The following RANBP2 variants were observed in gnomAD, a reference collection of about 807,000 sequenced individuals.
The protein encoded by RANBP2 is E3 SUMO-protein ligase RanBP2.
Under a neutral mutation model 303.6 loss-of-function variants are expected in RANBP2, and 57 were observed. That is an observed-to-expected ratio of 0.19 (90% confidence interval 0.15 to 0.23). The LOEUF is 0.23. Among genes scored for constraint, RANBP2 ranks in the 10% least tolerant of loss-of-function variants. The pLI is 1.00. For synonymous variants in RANBP2, 1,167 were observed against 1,301.5 expected, an observed-to-expected ratio of 0.90 and a Z score of 2.23; for missense variants, 3,138 against 3,780.8, an observed-to-expected ratio of 0.83 and a Z score of 4.46.
the RANBP2 span, among the ~76,000 whole-genome samples, chr2:109,106,177 T>A: frequency 6.6e-6 from 1 of 152,082 alleles, no homozygotes; most frequent in Non-Finnish European, 1.5e-5. Flanking sequence ...TAAAACTTTT[T>A]AATAAACTTT....
At position 108,782,295 on chromosome 2, in the gene RANBP2, C is replaced by T. The variant is rs763010525; in HGVS notation, c.8928C>T (p.Asp2976=). 13 of 1,614,076 alleles carry T rather than the reference C, an allele frequency of 8.1e-6. No homozygotes were observed. The highest frequency in any genetic ancestry group is 1.0e-5 in the Non-Finnish European group (12 of 1,180,018). The change falls in exon 27 of 29, where the codon GAC becomes GAT. Residue 2976 remains aspartate (D), a synonymous_variant. Coordinates refer to ENST00000283195, the MANE Select transcript of RANBP2 (RefSeq NM_006267.5). ...KNYYRILMRR[D]QVFKVCANHV... is the part of the protein sequence containing the mutation. Reference sequence around the variant, plus strand: ...ATTACCGGATCCTAATGAGAAGAGACCAGGTTTTTAAAGTGTGTGCAAACC... The same window carrying T: ...ATTACCGGATCCTAATGAGAAGAGATCAGGTTTTTAAAGTGTGTGCAAACC...
At chr2:108,821,059 A>G in the RANBP2 span, among the ~76,000 whole-genome samples, 1 of 152,326 alleles carries the variant, frequency 6.6e-6, no homozygotes, top group South Asian at 2.1e-4. Context: ...AATACAACAT[A>G]TAAAGATATA....
chr2:108,856,547 CTTG>C, the RANBP2 span, among the ~76,000 whole-genome samples: 3 of 152,054 alleles, frequency 2.0e-5, no homozygotes, highest in African/African-American at 7.2e-5. Flanking sequence ...AAAAATGTGG[CTTG>C]TTATTTTGGT....
the RANBP2 span, chr2:108,930,137 C>T: frequency 6.2e-7 from 1 of 1,613,876 alleles, no homozygotes; most frequent in Non-Finnish European, 8.5e-7. Flanking sequence ...GGCTCCTCTC[C>T]CGGCCCACAC....
At chr2:108,997,746 C>T in the RANBP2 span, among the ~76,000 whole-genome samples, 2 of 152,024 alleles carry the variant, frequency 1.3e-5, no homozygotes, top group Non-Finnish European at 2.9e-5. Context: ...AAAAAATTAG[C>T]CGGGCATGGT....
the RANBP2 span, among the ~76,000 whole-genome samples, chr2:109,485,379 A>G: frequency 1.3e-5 from 2 of 152,200 alleles, no homozygotes; most frequent in Non-Finnish European, 2.9e-5. Flanking sequence ...TTGCAAATCA[A>G]ATTGTATTCC....
the RANBP2 span, among the ~76,000 whole-genome samples, chr2:109,287,450 A>G: frequency 1.3e-5 from 2 of 152,158 alleles, no homozygotes; most frequent in African/African-American, 4.8e-5. Context: ...AGGTATCTCT[A>G]GGCTACCTGA....
At chr2:108,867,131 A>C in the RANBP2 span, among the ~76,000 whole-genome samples, 1 of 152,048 alleles carries the variant, frequency 6.6e-6, no homozygotes, top group Non-Finnish European at 1.5e-5. Context: ...ATATATGTAT[A>C]ATTTATATAA....
the RANBP2 span, among the ~76,000 whole-genome samples, chr2:109,265,595 C>G: frequency 2.0e-5 from 3 of 152,234 alleles, no homozygotes; most frequent in African/African-American, 7.2e-5. Flanking sequence ...TCCCAGATGA[C>G]TCAGAAAGCC....
At chr2:109,360,153 G>T in the RANBP2 span, among the ~76,000 whole-genome samples, 2 of 151,976 alleles carry the variant, frequency 1.3e-5, no homozygotes, top group South Asian at 2.1e-4. Flanking sequence ...GTTTGTTGTT[G>T]CTGTTGTTTA....
chr2:109,131,148 A>G, the RANBP2 span, among the ~76,000 whole-genome samples: 95 of 152,290 alleles, frequency 6.2e-4, no homozygotes, highest in African/African-American at 2.1e-3. Flanking sequence ...GGAACATTCT[A>G]GCACCTGGAT....
At chr2:109,620,870 T>C in the RANBP2 span, among the ~76,000 whole-genome samples, 7 of 152,174 alleles carry the variant, frequency 4.6e-5, no homozygotes, top group Non-Finnish European at 1.0e-4. Context: ...TGAAGTTTAG[T>C]TTAACATGGA....
At chr2:109,000,033 A>G in the RANBP2 span, among the ~76,000 whole-genome samples, 6 of 152,344 alleles carry the variant, frequency 3.9e-5, no homozygotes, top group Admixed American at 3.3e-4. Flanking sequence ...TGCTTCCTTT[A>G]TCAAAACTGG....
the RANBP2 span, among the ~76,000 whole-genome samples, chr2:108,950,062 G>A: frequency 6.6e-6 from 1 of 152,206 alleles, no homozygotes; most frequent in African/African-American, 2.4e-5. Flanking sequence ...GTGCCATGGG[G>A]AGGGGCACTT....
At chr2:108,888,341 T>C in the RANBP2 span, among the ~76,000 whole-genome samples, 1 of 152,152 alleles carries the variant, frequency 6.6e-6, no homozygotes, top group Non-Finnish European at 1.5e-5. Flanking sequence ...TTTCTTGTTA[T>C]GTCTTTGTCT....
At chr2:109,408,532 G>A in the RANBP2 span, among the ~76,000 whole-genome samples, 7 of 152,200 alleles carry the variant, frequency 4.6e-5, no homozygotes, top group Admixed American at 3.3e-4. Flanking sequence ...TCACGCCCAG[G>A]CCGGGTTCGC....
the RANBP2 span, among the ~76,000 whole-genome samples, chr2:108,984,299 G>A: frequency 9.8e-3 from 1,489 of 152,220 alleles, 19 homozygotes; most frequent in Middle Eastern, 0.02. Context: ...AGCAACCGGC[G>A]TGGCATGGGA....
the RANBP2 span, among the ~76,000 whole-genome samples, chr2:109,350,662 C>G: frequency 6.6e-6 from 1 of 152,182 alleles, no homozygotes; most frequent in South Asian, 2.1e-4. Context: ...CCTGTTTTCC[C>G]CCACGGTGGG....
chr2:109,156,544 C>G, the RANBP2 span, among the ~76,000 whole-genome samples: 3 of 151,850 alleles, frequency 2.0e-5, no homozygotes, highest in Non-Finnish European at 2.9e-5. Flanking sequence ...CTCCTGAGTT[C>G]AAGCGATTCT....
Sources: gnomAD v4.1 joint callset for allele counts (sites outside exome capture counted in the v4.1 genomes callset) on GRCh38, gnomAD v4.1.1 for gene constraint, MANE v1.5 for transcripts, NCBI Gene and HGNC (gene_info 2026-07-23, HGNC 2026-07-21) for gene names.